The following RSU1 variants were observed in gnomAD, a reference collection of about 807,000 sequenced individuals.
RSU1 encodes the protein Ras suppressor protein 1.
A neutral mutation model predicts 31.1 loss-of-function variants in RSU1; 26 were observed. That is an observed-to-expected ratio of 0.84 (90% CI 0.61 to 1.16). The LOEUF (loss-of-function observed/expected upper bound fraction) is 1.16, where lower values mean the gene tolerates loss of function less well. RSU1 is among the 50% of genes most tolerant of loss of function. The probability of loss-of-function intolerance (pLI) is 0.00; values close to 1 mark genes in which losing one functional copy is unlikely to be tolerated. For missense variants in RSU1, 320 were observed against 339.1 expected (o/e 0.94, Z 0.44); for synonymous variants, 164 against 136.3 (o/e 1.20, Z -1.41).
chr10:16,665,491 A>C (rs946202109), intron 8 of RSU1, among the ~76,000 whole-genome samples: 1 of 152,212 alleles, frequency 6.6e-6, no homozygotes. Context: ...AATAATACTC[A>C]AAGCAAACAT....
intron 8 of RSU1, among the ~76,000 whole-genome samples, chr10:16,681,792 T>C (rs540380823): frequency 2.6e-5 from 4 of 152,338 alleles, no homozygotes; most frequent in African/African-American, 7.2e-5. Context: ...ATATGCCATA[T>C]ATATGTGCTG....
At chr10:16,764,545 A>T (rs1837275678) in intron 3 of RSU1, 35 bp from the exon 4 acceptor site, 1 of 1,598,776 alleles carries the variant, frequency 6.3e-7, no homozygotes, top group East Asian at 2.3e-5. Flanking sequence ...TGAATCTGGG[A>T]ATGGAACTCC....
chr10:16,716,153 T>C (rs1308175286), intron 7 of RSU1, among the ~76,000 whole-genome samples: 1 of 152,102 alleles, frequency 6.6e-6, no homozygotes, highest in African/African-American at 2.4e-5. Flanking sequence ...TGAAACTATC[T>C]CAGAAAAAGT....
chr10:16,782,447 T>C (rs867840745), intron 2 of RSU1, among the ~76,000 whole-genome samples: 24 of 152,324 alleles, frequency 1.6e-4, no homozygotes, highest in Middle Eastern at 3.4e-3. Context: ...GGGGCAGAGG[T>C]GCACAGGGGC....
At chr10:16,701,608 T>G (rs1027391069) in intron 7 of RSU1, among the ~76,000 whole-genome samples, 4 of 139,834 alleles carry the variant, frequency 2.9e-5, no homozygotes, top group African/African-American at 1.0e-4. Context: ...GGGAAGATAG[T>G]ACAACTTACA....
rs1166429215 is a variant in RSU1 at position 16,600,564 on chromosome 10, TTTTA to T, written c.732-7072_732-7069del. On this transcript the variant is annotated intron_variant, in intron 8 of 8. Transcript: ENST00000345264. Reference sequence around the variant, plus strand: ...CTATTACTGACACGTGTTTTTTTTTTTTTAGGGGGGGGTGGTTTTTGAGACAGGG... The same window carrying T: ...CTATTACTGACACGTGTTTTTTTTTTGGGGGGGGTGGTTTTTGAGACAGGG... Among the ~76,000 whole-genome samples, 757 of 150,700 alleles carry T rather than the reference TTTTA, an allele frequency of 5.0e-3. 6 individuals are homozygous for T. The highest frequency in any genetic ancestry group is 0.017 in the African/African-American group (697 of 40,186).
chr10:16,679,690 C>T (rs772332506), intron 8 of RSU1, among the ~76,000 whole-genome samples: 6 of 152,200 alleles, frequency 3.9e-5, no homozygotes, highest in South Asian at 2.1e-4. Context: ...GTAACCCGGC[C>T]TTGTCTTTCT....
chr10:16,747,845 C>G (rs1168617943), intron 7 of RSU1, among the ~76,000 whole-genome samples: 3 of 152,130 alleles, frequency 2.0e-5, no homozygotes, highest in Non-Finnish European at 4.4e-5. Context: ...CTAGCCTGGG[C>G]AATACAGCAA....
intron 7 of RSU1, among the ~76,000 whole-genome samples, chr10:16,716,158 A>G (rs1836135877): frequency 6.6e-6 from 1 of 152,228 alleles, no homozygotes; most frequent in Non-Finnish European, 1.5e-5. Context: ...CTATCTCAGA[A>G]AAAGTTCAAA....
At chr10:16,796,518 C>T (rs1448680027) in intron 2 of RSU1, among the ~76,000 whole-genome samples, 1 of 152,164 alleles carries the variant, frequency 6.6e-6, no homozygotes, top group Non-Finnish European at 1.5e-5. Context: ...AGACTCTTCA[C>T]CCCTAAATCC....
At chr10:16,803,030 G>T (rs1280927561) in intron 2 of RSU1, among the ~76,000 whole-genome samples, 2 of 152,088 alleles carry the variant, frequency 1.3e-5, no homozygotes, top group African/African-American at 4.8e-5. Context: ...CCTTGTTAAC[G>T]CAGTAAGGTA....
chr10:16,677,355 C>T (rs1052883124), intron 8 of RSU1, among the ~76,000 whole-genome samples: 5 of 152,100 alleles, frequency 3.3e-5, no homozygotes, highest in African/African-American at 9.7e-5. Flanking sequence ...ATGGTAGGAA[C>T]ACAGAAGTCA....
At chr10:16,706,647 T>G (rs142992630) in intron 7 of RSU1, among the ~76,000 whole-genome samples, 1 of 152,356 alleles carries the variant, frequency 6.6e-6, no homozygotes, top group East Asian at 1.9e-4. Context: ...ATTTGATGTT[T>G]TGATACCTAT....
intron 2 of RSU1, among the ~76,000 whole-genome samples, chr10:16,783,364 C>CTT (rs57270890): frequency 7.6e-6 from 1 of 132,072 alleles, no homozygotes; most frequent in Non-Finnish European, 1.6e-5. Context: ...ACAACTTTTG[C>CTT]TTTTTTTTTT....
chr10:16,781,008 A>C (rs1052406974), intron 3 of RSU1, among the ~76,000 whole-genome samples: 5 of 152,218 alleles, frequency 3.3e-5, no homozygotes, highest in African/African-American at 1.2e-4. Flanking sequence ...AATAATCAAC[A>C]GCTCTGTGAC....
intron 2 of RSU1, among the ~76,000 whole-genome samples, chr10:16,801,186 G>C (rs1838149294): frequency 6.6e-6 from 1 of 151,446 alleles, no homozygotes; most frequent in Admixed American, 6.6e-5. Flanking sequence ...AAAAGTAACG[G>C]GATGGAGAAA....
chr10:16,609,613 A>T (rs1177609531), intron 8 of RSU1, among the ~76,000 whole-genome samples: 1 of 152,212 alleles, frequency 6.6e-6, no homozygotes, highest in Non-Finnish European at 1.5e-5. Flanking sequence ...ATTCCAAAGG[A>T]AAGTGTGCAC....
intron 7 of RSU1, among the ~76,000 whole-genome samples, chr10:16,700,206 G>A (rs1238459632): frequency 3.3e-5 from 5 of 152,000 alleles, no homozygotes; most frequent in African/African-American, 4.8e-5. Flanking sequence ...AATTTTTCAC[G>A]TCATCAAAGT....
chr10:16,638,870 T>A (rs1209864232), intron 8 of RSU1, among the ~76,000 whole-genome samples: 1 of 152,238 alleles, frequency 6.6e-6, no homozygotes, highest in African/African-American at 2.4e-5. Flanking sequence ...CTTCAGTGGA[T>A]AATTCATGCT....
Sources: allele counts gnomAD v4.1 joint callset (sites outside exome capture counted in the v4.1 genomes callset), GRCh38; gene constraint gnomAD v4.1.1; transcripts MANE v1.5; gene names NCBI Gene and HGNC (gene_info 2026-07-23, HGNC 2026-07-21).